HCN1: variants seen among roughly 807,000 people sequenced by gnomAD.
HCN1 encodes potassium/sodium hyperpolarization-activated cyclic nucleotide-gated channel 1.
Under a neutral mutation model 78.9 loss-of-function variants are expected in HCN1, and 13 were observed. That is an observed-to-expected ratio of 0.16 (90% CI 0.11 to 0.26). The LOEUF is 0.26. Among genes scored for constraint, HCN1 ranks in the 10% least tolerant of loss-of-function variants. The probability of loss-of-function intolerance (pLI) is 1.00; values close to 1 mark genes in which losing one functional copy is unlikely to be tolerated. For synonymous variants in HCN1, 552 were observed against 455.5 expected (o/e 1.21, Z -2.70); for missense variants, 810 against 1,154.3 (o/e 0.70, Z 4.32).
At chr5:45,367,277 T>C (rs1350820777) in intron 4 of HCN1, among the ~76,000 whole-genome samples, 2 of 151,906 alleles carry the variant, frequency 1.3e-5, no homozygotes, top group Admixed American at 6.6e-5. Flanking sequence ...TATACATACA[T>C]GTCATATTGT....
chr5:45,642,055 A>C (rs1745463732), intron 2 of HCN1: 1 of 152,194 alleles, frequency 6.6e-6, no homozygotes, highest in Non-Finnish European at 1.5e-5. Flanking sequence ...TTAAAACCAA[A>C]CATAAAAATT....
At chr5:45,607,097 T>G (rs1037910225) in intron 2 of HCN1, among the ~76,000 whole-genome samples, 23 of 151,746 alleles carry the variant, frequency 1.5e-4, no homozygotes, top group Non-Finnish European at 2.9e-4. Flanking sequence ...GCCTTCAAAT[T>G]TGAAACTTAG....
intron 1 of HCN1, among the ~76,000 whole-genome samples, chr5:45,680,170 T>G (rs1053911870): frequency 6.6e-6 from 1 of 152,054 alleles, no homozygotes; most frequent in African/African-American, 2.4e-5. Context: ...ACTAAATTAT[T>G]TTGCTGTTTT....
At chr5:45,639,122 C>T (rs1398454225) in intron 2 of HCN1, among the ~76,000 whole-genome samples, 2 of 151,796 alleles carry the variant, frequency 1.3e-5, no homozygotes, top group African/African-American at 4.8e-5. Context: ...TCATCTTTTT[C>T]TTTTTTTCAA....
chr5:45,593,747 T>G (rs984287830), intron 2 of HCN1, among the ~76,000 whole-genome samples: 2 of 152,034 alleles, frequency 1.3e-5, no homozygotes, highest in African/African-American at 4.8e-5. Flanking sequence ...CAATCTCAGC[T>G]CACTGCAACT....
intron 2 of HCN1, among the ~76,000 whole-genome samples, chr5:45,496,861 C>G (rs1307320042): frequency 6.6e-6 from 1 of 152,182 alleles, no homozygotes. Flanking sequence ...TTTCCCTCTA[C>G]ACACTGCTTT....
intron 5 of HCN1, among the ~76,000 whole-genome samples, chr5:45,337,547 T>A (rs1746488585): frequency 6.6e-6 from 1 of 152,162 alleles, no homozygotes; most frequent in Non-Finnish European, 1.5e-5. Flanking sequence ...TCCTTATTTA[T>A]TGTGTACTTA....
chr5:45,267,311 A>C (rs1744877766), intron 6 of HCN1, 58 bp from the exon 7 acceptor site: 2 of 1,514,922 alleles, frequency 1.3e-6, no homozygotes, highest in Non-Finnish European at 1.8e-6. Flanking sequence ...TTTAAAAGCC[A>C]TTAAGGCTTC....
chr5:45,579,576 T>TA (rs1267286762), intron 2 of HCN1, among the ~76,000 whole-genome samples: 1 of 152,084 alleles, frequency 6.6e-6, no homozygotes, highest in Non-Finnish European at 1.5e-5. Context: ...TTACAAAAAT[T>TA]AAAAAGAGCC....
intron 4 of HCN1, among the ~76,000 whole-genome samples, chr5:45,361,606 TCTTC>T (rs1016392777): frequency 1.3e-5 from 2 of 152,180 alleles, no homozygotes; most frequent in African/African-American, 4.8e-5. Flanking sequence ...AGCGTGTTAT[TCTTC>T]CATCCAGAAT....
At chr5:45,460,643 G>A (rs978478265) in intron 3 of HCN1, among the ~76,000 whole-genome samples, 4 of 151,778 alleles carry the variant, frequency 2.6e-5, no homozygotes, top group Admixed American at 2.0e-4. Flanking sequence ...GAAATGAAGC[G>A]AGATCTAGGT....
intron 2 of HCN1, among the ~76,000 whole-genome samples, chr5:45,611,927 A>T (rs1428804126): frequency 6.6e-6 from 1 of 152,166 alleles, no homozygotes; most frequent in East Asian, 1.9e-4. Context: ...AAGCTGAAAA[A>T]AAAATATAGA....
At chr5:45,385,596 T>C (rs1041135741) in intron 4 of HCN1, among the ~76,000 whole-genome samples, 11 of 150,334 alleles carry the variant, frequency 7.3e-5, no homozygotes, top group African/African-American at 2.8e-4. Context: ...GAAAATCTAT[T>C]GTAAAGTTTC....
chr5:45,404,853 T>G (rs563039707), intron 3 of HCN1, among the ~76,000 whole-genome samples: 1 of 152,124 alleles, frequency 6.6e-6, no homozygotes, highest in East Asian at 1.9e-4. Flanking sequence ...AGCTTTCACA[T>G]GAGCTGAAAT....
chr5:45,630,821 A>T (rs575907849), intron 2 of HCN1, among the ~76,000 whole-genome samples: 32 of 152,032 alleles, frequency 2.1e-4, no homozygotes, highest in Admixed American at 4.6e-4. Flanking sequence ...TGTTTTTTTT[A>T]AATTTTTTAT....
intron 1 of HCN1, among the ~76,000 whole-genome samples, chr5:45,683,126 TA>T (rs1423794412): frequency 3.6e-5 from 5 of 139,006 alleles, no homozygotes; most frequent in East Asian, 2.2e-4. Flanking sequence ...ATTTATAAAT[TA>T]ATTTTTTTAT....
At position 45,436,311 on chromosome 5, in the gene HCN1, A is replaced by T. The variant is rs1416962802; in HGVS notation, c.1011+25535T>A. Among the ~76,000 whole-genome samples the T allele has an allele frequency of 2.6e-5, 4 of 152,278 alleles. No individual in the cohort carries two copies. In the South Asian group the frequency reaches 8.3e-4, roughly 32 times the overall value. ...AATAATGAATTCCCTACCTAAACCC[A>T]ACTAACTATGTGAATGCTCCAGATG... On this transcript the variant is annotated intron_variant, in intron 3 of 7. Transcript: ENST00000303230.
chr5:45,560,229 G>A (rs561122962), intron 2 of HCN1, among the ~76,000 whole-genome samples: 69 of 151,962 alleles, frequency 4.5e-4, no homozygotes, highest in African/African-American at 1.6e-3. Flanking sequence ...TATCTCCAGG[G>A]TATACGTATA....
At chr5:45,408,525 A>G (rs941685144) in intron 3 of HCN1, among the ~76,000 whole-genome samples, 6 of 152,146 alleles carry the variant, frequency 3.9e-5, no homozygotes, top group African/African-American at 1.4e-4. Context: ...GTAGTAGGCT[A>G]TATCGTCTAG....
Sources: gnomAD v4.1 joint callset for allele counts (sites outside exome capture counted in the v4.1 genomes callset) on GRCh38, gnomAD v4.1.1 for gene constraint, MANE v1.5 for transcripts, NCBI Gene and HGNC (gene_info 2026-07-23, HGNC 2026-07-21) for gene names.